SQSTM1: variants seen among roughly 807,000 people sequenced by gnomAD.
SQSTM1 encodes the protein sequestosome-1.
Under a neutral mutation model 45.1 loss-of-function variants are expected in SQSTM1, and 36 were observed. The ratio of observed to expected loss-of-function variants is 0.80; its 90% confidence interval spans 0.61 to 1.05. The LOEUF is 1.05. SQSTM1 is among the 50% of genes least tolerant of loss of function. The pLI, the probability that SQSTM1 is intolerant of heterozygous loss-of-function variation, is 0.00. For synonymous variants in SQSTM1, 290 were observed against 244.3 expected, an observed-to-expected ratio of 1.19 and a Z score of -1.74; for missense variants, 617 against 607.1, an observed-to-expected ratio of 1.02 and a Z score of -0.17.
Position 179,806,536 on chromosome 5 carries a change from C to G in SQSTM1, c.-212C>G. ...ACCAGGACAGCGAGAGGAAGGCGCA[C>G]AGGCAGAAGAGCAGCAGCGTCAGGA... On this transcript the variant is annotated 5_prime_UTR_variant, in exon 1 of 6. Coordinates refer to the SQSTM1 transcript ENST00000514093. This position sits in a 1 kb window ranked among gnomAD's most constrained non-coding sequence, Gnocchi z 4.6. 1 of 1,337,222 alleles carries G rather than the reference C, an allele frequency of 7.5e-7. No individual in the cohort carries two copies. The highest frequency in any genetic ancestry group is 9.8e-7 in the Non-Finnish European group (1 of 1,018,600). 82.8% of individuals were successfully genotyped at this position (1,337,222 alleles called of 1,614,324 possible).
At chr5:179,814,648 C>G (rs1001346891), upstream of SQSTM1, among the ~76,000 whole-genome samples, 3 of 152,216 alleles carry the variant, frequency 2.0e-5, no homozygotes. Flanking sequence ...AGCTTTAGCA[C>G]TGGCAAATAA....
At position 179,825,096 on chromosome 5, in the gene SQSTM1, G is replaced by A. The variant is rs756459498; in HGVS notation, c.674-50G>A. On this transcript the variant is annotated intron_variant, in intron 4 of 7. Transcript: ENST00000389805. ...CAAGAAGGTGACAGGACTGTGACAG[G>A]TATCCAAGGCATTAAAGATATCTTT... 9 of 1,575,526 alleles carry A rather than the reference G, an allele frequency of 5.7e-6. 1 individual carries two copies. The South Asian group carries it at 1.0e-4, about 17-fold the overall frequency.
chr5:179,825,313 A>G (rs1757947384), intron 5 of SQSTM1, 87 bp downstream of exon 5: 1 of 1,157,714 alleles, frequency 8.6e-7, no homozygotes, highest in African/African-American at 1.5e-5. Flanking sequence ...GGAATGGGTA[A>G]TTGACATGCC....
intron 5 of SQSTM1, among the ~76,000 whole-genome samples, chr5:179,830,698 C>T (rs919563930): frequency 1.3e-5 from 2 of 152,102 alleles, no homozygotes; most frequent in African/African-American, 2.4e-5. Flanking sequence ...GCTGGGATTA[C>T]AGGCACCCGC....
Position 179,807,644 on chromosome 5 carries a change from T to G in SQSTM1, c.-157+1053T>G, listed in dbSNP as rs191403502. The G allele has an allele frequency of 9.6e-3, 1,468 of 152,604 alleles. 17 individuals carry two copies. The highest frequency in any genetic ancestry group is 0.017 in the Non-Finnish European group (1,150 of 68,352). 9.5% of individuals were successfully genotyped at this position (152,604 alleles called of 1,614,324 possible). On this transcript the variant is annotated intron_variant, in intron 1 of 5. Coordinates refer to the SQSTM1 transcript ENST00000514093. ...CATTGTTTTTTTGTTGTTGTTGTTT[T>G]TTGTTGTTTTTTGTTTGTTTGTTTT...
chr5:179,830,300 A>C (rs1292287965), intron 5 of SQSTM1, among the ~76,000 whole-genome samples: 2 of 152,228 alleles, frequency 1.3e-5, no homozygotes, highest in African/African-American at 2.4e-5. Context: ...AGGTTATTGT[A>C]AATACTTGGG....
Position 179,837,989 on chromosome 5 carries a change from C to G in SQSTM1, c.*1396C>G. 1 of 1,104,278 alleles carries G rather than the reference C, an allele frequency of 9.1e-7. No homozygotes were observed. Among genetic ancestry groups the G allele is most frequent in the Non-Finnish European group, 1.3e-6 (1 of 782,026 alleles). The allele number at this position is 1,104,278 out of a possible 1,614,324, so 68.4% of individuals were successfully genotyped here. On this transcript the variant is annotated 3_prime_UTR_variant, in exon 8 of 8. Coordinates refer to ENST00000389805, the MANE Select transcript of SQSTM1 (RefSeq NM_003900.5). ...CTTGGCTGGGCCTCTGGTTCTGACA[C>G]TTTCTGCTGGAAGCTGTCAGGCTGG... is the stretch of plus-strand genomic sequence containing the variant.
At chr5:179,819,646 G>A (rs1247099240), upstream of SQSTM1, among the ~76,000 whole-genome samples, 4 of 152,234 alleles carry the variant, frequency 2.6e-5, no homozygotes, top group African/African-American at 4.8e-5. Flanking sequence ...ACGCCCCTCT[G>A]TGTCCCCTGC....
At chr5:179,836,374 G>GTGT (rs1758554660) in intron 7 of SQSTM1, 62 bp from the exon 8 acceptor site, 1 of 1,611,376 alleles carries the variant, frequency 6.2e-7, no homozygotes, top group African/African-American at 1.3e-5. Flanking sequence ...AGCAGGGTAT[G>GTGT]TGTTTCGGGT....
chr5:179,812,035 A>G (rs1330264708), intron 2 of SQSTM1: 1 of 152,022 alleles, frequency 6.6e-6, no homozygotes, highest in Non-Finnish European at 1.5e-5. Context: ...CGATCTCCTG[A>G]CTTCATGATC....
chr5:179,837,336 G>T lies in SQSTM1; in HGVS notation c.*743G>T. ...AGAGTATCTTTAAAAGTGCCTTAGG[G>T]GAACCCTGTCCCTCCTAACAAGTGT... On this transcript the variant is annotated 3_prime_UTR_variant, in exon 8 of 8. Transcript: ENST00000389805. 1 of 1,586,674 alleles carries T rather than the reference G, an allele frequency of 6.3e-7. No homozygotes were observed. Among genetic ancestry groups the T allele is most frequent in the African/African-American group, 1.3e-5 (1 of 74,166 alleles).
At chr5:179,810,308 C>G (rs1249119847) in intron 1 of SQSTM1, among the ~76,000 whole-genome samples, 1 of 152,064 alleles carries the variant, frequency 6.6e-6, no homozygotes, top group Non-Finnish European at 1.5e-5. Context: ...GTGACGTTCC[C>G]CACCCTGTGT....
chr5:179,822,930 C>G, intron 1 of SQSTM1, 28 bp from the exon 2 acceptor site: 1 of 1,605,574 alleles, frequency 6.2e-7, no homozygotes, highest in Non-Finnish European at 8.5e-7. Flanking sequence ...CCCCTGGGTG[C>G]TCACGTGCTG....
Position 179,823,865 on chromosome 5 carries a change from A to C in SQSTM1, c.309A>C (p.Lys103Asn). The change falls in exon 3 of 8, where the codon AAA becomes AAC. Residue 103 changes from lysine to asparagine, a missense_variant. Coordinates refer to ENST00000389805, the MANE Select transcript of SQSTM1 (RefSeq NM_003900.5). ...DIFRIYIKEK[K>N]ECRRDHRPPC... ...TCTTTACCCTTCCTGTAGAGAAAAA[A>C]GAGTGCCGGCGGGACCACCGCCCAC... is the stretch of plus-strand genomic sequence containing the variant. 1 of 1,611,936 alleles carries C rather than the reference A, an allele frequency of 6.2e-7. No individual in the cohort carries two copies.
chr5:179,832,280 G>A (rs1758264553), intron 5 of SQSTM1, among the ~76,000 whole-genome samples: 1 of 152,232 alleles, frequency 6.6e-6, no homozygotes, highest in African/African-American at 2.4e-5. Flanking sequence ...GGCAACTGGT[G>A]ACTCTAAGCT....
intron 5 of SQSTM1, among the ~76,000 whole-genome samples, chr5:179,831,129 G>C (rs574403274): frequency 6.6e-6 from 1 of 152,320 alleles, no homozygotes; most frequent in Non-Finnish European, 1.5e-5. Context: ...CCAAAATGAA[G>C]CACAGAGGTA....
intron 5 of SQSTM1, among the ~76,000 whole-genome samples, chr5:179,831,470 T>C (rs1007053842): frequency 6.6e-6 from 1 of 152,168 alleles, no homozygotes; most frequent in Non-Finnish European, 1.5e-5. Flanking sequence ...AAGACCAGCC[T>C]GGCCAACATG....
chr5:179,827,568 G>A (rs895370489), intron 5 of SQSTM1, among the ~76,000 whole-genome samples: 1 of 152,258 alleles, frequency 6.6e-6, no homozygotes, highest in East Asian at 1.9e-4. Flanking sequence ...ACAGGCGTGA[G>A]CCACTGCACC....
chr5:179,814,418 C>G (rs1023992936), upstream of SQSTM1, among the ~76,000 whole-genome samples: 1 of 152,170 alleles, frequency 6.6e-6, no homozygotes, highest in African/African-American at 2.4e-5. Context: ...TTAACAGCAA[C>G]TTAGTCCCTT....
Sources: allele counts gnomAD v4.1 joint callset (sites outside exome capture counted in the v4.1 genomes callset), GRCh38; gene constraint gnomAD v4.1.1; non-coding constraint Gnocchi (gnomAD v3.1); transcripts MANE v1.5; gene names NCBI Gene and HGNC (gene_info 2026-07-23, HGNC 2026-07-21).